Variants in C10orf67 observed in about 807,000 individuals in gnomAD.
C10orf67 encodes the protein chromosome 10 open reading frame 67.
A neutral mutation model predicts 35.6 loss-of-function variants in C10orf67; 60 were observed. That is an observed-to-expected ratio of 1.68 (90% CI 1.37 to 2.09). C10orf67 has a LOEUF of 2.09. C10orf67 is among the 30% of genes most tolerant of loss of function. The pLI, the probability that C10orf67 is intolerant of heterozygous loss-of-function variation, is 0.00. For missense variants in C10orf67, 474 were observed against 330.2 expected (o/e 1.44, Z -3.38); for synonymous variants, 167 against 115.8 (o/e 1.44, Z -2.84).
chr10:23,289,178 G>A (rs1449506811), intron 7 of C10orf67, among the ~76,000 whole-genome samples: 1 of 152,122 alleles, frequency 6.6e-6, no homozygotes, highest in African/African-American at 2.4e-5. Flanking sequence ...GTGTATGTGT[G>A]TTTCAGACAG....
chr10:23,306,604 G>A (rs7082900), intron 4 of C10orf67, among the ~76,000 whole-genome samples: 58,578 of 151,070 alleles, frequency 0.39, 14,280 homozygotes, highest in East Asian at 0.74. Flanking sequence ...GATGTTGGTC[G>A]AAGGGTATAA....
intron 8 of C10orf67, among the ~76,000 whole-genome samples, chr10:23,275,962 T>C (rs1843174924): frequency 6.6e-6 from 1 of 152,196 alleles, no homozygotes; most frequent in African/African-American, 2.4e-5. Flanking sequence ...CAGAATTCTC[T>C]CTCAATACAT....
At position 23,230,346 on chromosome 10, in the gene C10orf67, C is replaced by G. The variant is rs115468320; in HGVS notation, c.1435-6528G>C. ...AAATTTGTAAATATGAAAAGCAAAA[C>G]AAGCCAAAAGTTTAAAGACCATAGA... On this transcript the variant is annotated intron_variant, in intron 13 of 15. Transcript: ENST00000636213. Among the ~76,000 whole-genome samples, 134 of 151,950 alleles carry G rather than the reference C, an allele frequency of 8.8e-4. 1 individual carries two copies. The highest frequency in any genetic ancestry group is 3.1e-3 in the African/African-American group (127 of 41,458).
At chr10:23,231,117 T>C (rs2132122026) in intron 13 of C10orf67, among the ~76,000 whole-genome samples, 1 of 152,152 alleles carries the variant, frequency 6.6e-6, no homozygotes, top group East Asian at 1.9e-4. Context: ...CCAGCTGATT[T>C]TTTTTTCTAT....
chr10:23,301,259 G>A (rs976188583), intron 5 of C10orf67, among the ~76,000 whole-genome samples: 4 of 152,078 alleles, frequency 2.6e-5, no homozygotes, highest in East Asian at 3.9e-4. Flanking sequence ...GCCTCTAGTC[G>A]GCCCTCGGCT....
chr10:23,203,100 G>A lies in C10orf67; in HGVS notation c.*1073C>T, dbSNP rs546833297. 6.6e-6 allele frequency: 1 copy of A among 152,322 alleles called. No homozygotes were observed. The highest frequency in any genetic ancestry group is 2.1e-4 in the South Asian group (1 of 4,828). 9.4% of individuals were successfully genotyped at this position (152,322 alleles called of 1,614,324 possible). A position where few individuals can be genotyped will look rare whatever the true frequency, so the allele number is the denominator to read the frequency against. On this transcript the variant is annotated 3_prime_UTR_variant, in exon 16 of 16. Transcript: ENST00000636213. ...ACTGATGGGAGGAAATTTGAAAGAA[G>A]CGCCAAACTGTGTAACTGTAATTCA...
chr10:23,285,864 A>G (rs1843511298), intron 7 of C10orf67, among the ~76,000 whole-genome samples: 1 of 152,258 alleles, frequency 6.6e-6, no homozygotes. Flanking sequence ...CAAGTGCTCA[A>G]TAGCCACATG....
At chr10:23,299,653 C>A (rs1344548005) in intron 5 of C10orf67, among the ~76,000 whole-genome samples, 1 of 152,082 alleles carries the variant, frequency 6.6e-6, no homozygotes, top group Non-Finnish European at 1.5e-5. Context: ...AGTGACAGAT[C>A]TGGAGGACAA....
At chr10:23,291,726 A>G (rs1843724896) in intron 5 of C10orf67, among the ~76,000 whole-genome samples, 1 of 152,078 alleles carries the variant, frequency 6.6e-6, no homozygotes, top group Admixed American at 6.6e-5. Flanking sequence ...CCTTTGTGGC[A>G]TTTCCCAGTG....
chr10:23,289,980 G>C, intron 6 of C10orf67, 22 bp from the exon 7 acceptor site: 1 of 715,594 alleles, frequency 1.4e-6, no homozygotes, highest in East Asian at 2.7e-5. Context: ...AGGAGAGAGA[G>C]GCCAACCATG....
Position 23,333,132 on chromosome 10 carries a change from G to T in C10orf67, c.257C>A (p.Ala86Asp), listed in dbSNP as rs750465880. 1.2e-6 allele frequency: 2 copies of T among 1,609,696 alleles called. No homozygotes were observed. The highest frequency in any genetic ancestry group is 1.7e-5 in the Admixed American group (1 of 59,828). ...LKIGFFSTDHATQTDSSEILS... is the reference protein window; with the variant it reads ...LKIGFFSTDHDTQTDSSEILS... ...TATTTCACTGGAATCAGTTTGAGTGGCATGGTCTGTGCTGAAAAAGCCAAT... is the reference window on the plus strand; with the variant it reads ...TATTTCACTGGAATCAGTTTGAGTGTCATGGTCTGTGCTGAAAAAGCCAAT... The change falls in exon 2 of 16, where the codon GCC becomes GAC. Residue 86 changes from alanine (A) to aspartate (D), a missense_variant. Coordinates refer to ENST00000636213, the MANE Select transcript of C10orf67 (RefSeq NM_001371909.1).
chr10:23,246,915 C>T (rs1842331501), intron 12 of C10orf67, among the ~76,000 whole-genome samples: 1 of 152,058 alleles, frequency 6.6e-6, no homozygotes, highest in African/African-American at 2.4e-5. Context: ...CCTCAACCTC[C>T]TGGGCTCAAG....
At chr10:23,226,745 T>G (rs1025267328) in intron 13 of C10orf67, among the ~76,000 whole-genome samples, 2 of 152,044 alleles carry the variant, frequency 1.3e-5, no homozygotes, top group African/African-American at 4.8e-5. Flanking sequence ...CAATAAAAAA[T>G]GATAAAGGGG....
rs1229550449 is a variant in C10orf67 at position 23,255,192 on chromosome 10, AG to A, written c.1201-4502del. 4.6e-5 allele frequency among the ~76,000 whole-genome samples: 7 copies of A among 152,348 alleles called. No individual in the cohort carries two copies. The East Asian group carries it at 1.3e-3, about 29-fold the overall frequency. ...AAGAGGCTGAGAATTGGGAACACGG[AG>A]AATAAAATATGAGGCTGTGTGCTGA... On this transcript the variant is annotated intron_variant, in intron 10 of 15. Transcript: ENST00000636213.
Position 23,267,204 on chromosome 10 carries a change from T to A in C10orf67, c.1026A>T (p.Leu342Phe), listed in dbSNP as rs560068909. 4.2e-6 allele frequency: 3 copies of A among 715,640 alleles called. No individual in the cohort carries two copies. Among genetic ancestry groups the A allele is most frequent in the Non-Finnish European group, 7.8e-6 (3 of 384,696 alleles). 44.3% of individuals were successfully genotyped at this position (715,640 alleles called of 1,614,324 possible). ...DKEMRKKYGS[L>F]SVKVARSAKG... ...AAACTTAAATACAAACCTTTACACT[T>A]AAGCTGCCATACTTTTTTCTCATTT... The change falls in exon 9 of 16, where the codon TTA becomes TTT. Residue 342 changes from leucine to phenylalanine, a missense_variant. Leu to Phe is a conservative substitution (Grantham distance 22, BLOSUM62 0). Coordinates refer to ENST00000636213, the MANE Select transcript of C10orf67 (RefSeq NM_001371909.1).
chr10:23,329,766 C>T (rs1715748279), intron 2 of C10orf67, among the ~76,000 whole-genome samples: 1 of 119,096 alleles, frequency 8.4e-6, no homozygotes, highest in East Asian at 2.3e-4. Flanking sequence ...TCACTGCACT[C>T]CAGCCTGGGC....
At chr10:23,328,404 C>A (rs1306168852) in intron 2 of C10orf67, among the ~76,000 whole-genome samples, 1 of 148,750 alleles carries the variant, frequency 6.7e-6, no homozygotes, top group African/African-American at 2.4e-5. Context: ...TAGCTATTAC[C>A]ACTCCTCCCT....
chr10:23,215,534 C>T (rs991810629), intron 15 of C10orf67, among the ~76,000 whole-genome samples: 11 of 152,202 alleles, frequency 7.2e-5, no homozygotes, highest in African/African-American at 2.6e-4. Context: ...CCTCATGATC[C>T]ACCTGCCTCT....
chr10:23,314,135 C>A (rs1420913982), intron 4 of C10orf67, among the ~76,000 whole-genome samples: 1 of 152,078 alleles, frequency 6.6e-6, no homozygotes, highest in Non-Finnish European at 1.5e-5. Flanking sequence ...TTGCAGTGAG[C>A]AGAGACGGTG....
Sources: allele counts gnomAD v4.1 joint callset (sites outside exome capture counted in the v4.1 genomes callset), GRCh38; gene constraint gnomAD v4.1.1; transcripts MANE v1.5; gene names NCBI Gene and HGNC (gene_info 2026-07-23, HGNC 2026-07-21).